ELP4: variants seen among roughly 807,000 people sequenced by gnomAD.
The protein encoded by ELP4 is elongator acetyltransferase complex subunit 4, also known as elongator complex protein 4.
ELP4 carries 51 observed loss-of-function variants against 48.9 expected under a neutral mutation model. That is an observed-to-expected ratio of 1.04 (90% CI 0.83 to 1.32). The LOEUF (loss-of-function observed/expected upper bound fraction) is 1.32, where lower values mean the gene tolerates loss of function less well. Among genes scored for constraint, ELP4 ranks in the 40% most tolerant of loss-of-function variants. The pLI is 0.00. For missense variants in ELP4, 519 were observed against 514.6 expected, an observed-to-expected ratio of 1.01 and a Z score of -0.08; for synonymous variants, 210 against 189.2, an observed-to-expected ratio of 1.11 and a Z score of -0.90.
chr11:31,560,092 G>A (rs937701546), intron 3 of ELP4, among the ~76,000 whole-genome samples: 1 of 151,986 alleles, frequency 6.6e-6, no homozygotes, highest in Non-Finnish European at 1.5e-5. Context: ...AAATATAAAA[G>A]AAAATGACTT....
intron 3 of ELP4, among the ~76,000 whole-genome samples, chr11:31,550,452 A>G (rs976114272): frequency 2.0e-5 from 3 of 152,222 alleles, no homozygotes; most frequent in Non-Finnish European, 4.4e-5. Context: ...CATAAGCTCC[A>G]TCAAGTTCAA....
intron 9 of ELP4, among the ~76,000 whole-genome samples, chr11:31,745,214 C>A (rs2134228250): frequency 6.6e-6 from 1 of 152,300 alleles, no homozygotes; most frequent in Admixed American, 6.5e-5. Flanking sequence ...AGGAGAACTA[C>A]AAACCACTGC....
intron 3 of ELP4, among the ~76,000 whole-genome samples, chr11:31,580,058 T>C (rs2133970595): frequency 6.6e-6 from 1 of 152,286 alleles, no homozygotes; most frequent in East Asian, 1.9e-4. Flanking sequence ...TCAAAGTTAA[T>C]GGATGGAGGT....
In ELP4 at chr11:31,624,539, G is replaced by T. The variant is rs539147477; in HGVS notation, c.654-2571G>T. ...GTCAGTAAAGGGGTGGTAAGTGAAT[G>T]TGAAAGCCTAACATACTACTGGATA... On this transcript the variant is annotated intron_variant, in intron 5 of 9. Transcript: ENST00000640961. Among the ~76,000 whole-genome samples the T allele has an allele frequency of 4.0e-5, 6 of 151,662 alleles. No homozygotes were observed. The East Asian group carries it at 5.8e-4, about 15-fold the overall frequency.
At chr11:31,555,683 CA>C (rs1317314463) in intron 3 of ELP4, among the ~76,000 whole-genome samples, 2 of 151,510 alleles carry the variant, frequency 1.3e-5, no homozygotes, top group African/African-American at 4.8e-5. Flanking sequence ...TTCATAACAC[CA>C]GTGCAAAGAG....
chr11:31,706,916 T>G (rs1946645809), intron 9 of ELP4: 1 of 397,734 alleles, frequency 2.5e-6, no homozygotes, highest in Non-Finnish European at 4.4e-6. Context: ...CAGGATTACA[T>G]TCTTTTTTAT....
At chr11:31,706,099 G>C (rs4922878) in intron 9 of ELP4, among the ~76,000 whole-genome samples, 1 of 151,840 alleles carries the variant, frequency 6.6e-6, no homozygotes, top group Non-Finnish European at 1.5e-5. Context: ...TTGCATTTTT[G>C]TATGTTGTAT....
At chr11:31,656,466 T>C (rs533329642) in intron 9 of ELP4, among the ~76,000 whole-genome samples, 108 of 152,174 alleles carry the variant, frequency 7.1e-4, no homozygotes, top group Non-Finnish European at 1.3e-3. Flanking sequence ...TAATTAGTTA[T>C]ATCAAATGAA....
chr11:31,521,455 A>AT (rs1180987156), intron 2 of ELP4, among the ~76,000 whole-genome samples: 2 of 151,692 alleles, frequency 1.3e-5, no homozygotes, highest in Admixed American at 6.6e-5. Flanking sequence ...TCCAAAACCC[A>AT]TTTTTTTTGT....
At chr11:31,589,071 T>A (rs1565068638) in intron 3 of ELP4, among the ~76,000 whole-genome samples, 1 of 152,010 alleles carries the variant, frequency 6.6e-6, no homozygotes, top group Admixed American at 6.5e-5. Flanking sequence ...TGCAACATAA[T>A]AGGGATAGAG....
At chr11:31,781,797 G>A (rs1003025267) in intron 9 of ELP4, among the ~76,000 whole-genome samples, 1 of 152,030 alleles carries the variant, frequency 6.6e-6, no homozygotes, top group African/African-American at 2.4e-5. Flanking sequence ...GTGCCTGGCC[G>A]ATTCCTGAGC....
chr11:31,688,350 C>G (rs1354371575), intron 9 of ELP4, among the ~76,000 whole-genome samples: 1 of 152,142 alleles, frequency 6.6e-6, no homozygotes, highest in Non-Finnish European at 1.5e-5. Flanking sequence ...CTTACCAGGA[C>G]CAATTTTCTA....
chr11:31,693,988 C>G (rs539708929), intron 9 of ELP4, among the ~76,000 whole-genome samples: 77 of 152,172 alleles, frequency 5.1e-4, no homozygotes, highest in Non-Finnish European at 1.5e-4. Context: ...TCAGATCCTT[C>G]GCCCACTTTT....
chr11:31,680,141 G>A (rs1946026325), intron 9 of ELP4, among the ~76,000 whole-genome samples: 1 of 152,120 alleles, frequency 6.6e-6, no homozygotes, highest in Admixed American at 6.5e-5. Context: ...ATGGATCTAA[G>A]ATTTGTTGAT....
At chr11:31,742,478 A>G (rs1359185756) in intron 9 of ELP4, among the ~76,000 whole-genome samples, 1 of 152,188 alleles carries the variant, frequency 6.6e-6, no homozygotes, top group Non-Finnish European at 1.5e-5. Context: ...ATGAAGGAAA[A>G]AATGTTAAGG....
At chr11:31,673,727 G>T (rs953963819) in intron 9 of ELP4, among the ~76,000 whole-genome samples, 2 of 152,118 alleles carry the variant, frequency 1.3e-5, no homozygotes, top group Non-Finnish European at 2.9e-5. Context: ...AATTTTAATT[G>T]TTAAAACTTT....
At chr11:31,690,471 T>G (rs1242752983) in intron 9 of ELP4, among the ~76,000 whole-genome samples, 2 of 152,178 alleles carry the variant, frequency 1.3e-5, no homozygotes, top group Non-Finnish European at 2.9e-5. Context: ...ATGGATTATT[T>G]CTACTAAAAT....
chr11:31,580,360 T>C (rs980160202), intron 3 of ELP4, among the ~76,000 whole-genome samples: 3 of 152,184 alleles, frequency 2.0e-5, no homozygotes, highest in African/African-American at 7.2e-5. Flanking sequence ...TTCTAAAGGA[T>C]CTAATATTAG....
chr11:31,747,480 T>C (rs373820149), intron 9 of ELP4, among the ~76,000 whole-genome samples: 1 of 152,014 alleles, frequency 6.6e-6, no homozygotes, highest in Non-Finnish European at 1.5e-5. Flanking sequence ...TGTTACCAAA[T>C]TGGGGGAAAA....
Sources: allele counts gnomAD v4.1 joint callset (sites outside exome capture counted in the v4.1 genomes callset), GRCh38; gene constraint gnomAD v4.1.1; transcripts MANE v1.5; gene names NCBI Gene and HGNC (gene_info 2026-07-23, HGNC 2026-07-21).